Variants in PTPRK observed in about 807,000 individuals in gnomAD.
PTPRK encodes the protein receptor-type tyrosine-protein phosphatase kappa.
A neutral mutation model predicts 178.0 loss-of-function variants in PTPRK; 75 were observed. The ratio of observed to expected loss-of-function variants is 0.42; its 90% confidence interval spans 0.35 to 0.51. The LOEUF (loss-of-function observed/expected upper bound fraction) is 0.51. Ranked by LOEUF, PTPRK falls within the 20% of genes least tolerant of loss-of-function variation. PTPRK has a pLI of 0.02. For synonymous variants in PTPRK, 637 were observed against 620.6 expected, an observed-to-expected ratio of 1.03 and a Z score of -0.39; for missense variants, 1,441 against 1,797.8, an observed-to-expected ratio of 0.80 and a Z score of 3.59.
At chr6:128,234,513 T>A (rs956708358) in intron 5 of PTPRK, among the ~76,000 whole-genome samples, 2 of 152,238 alleles carry the variant, frequency 1.3e-5, no homozygotes, top group African/African-American at 2.4e-5. Flanking sequence ...ACAAGTGTTC[T>A]GATTTCTATC....
intron 2 of PTPRK, 65 bp downstream of exon 2, chr6:128,397,501 A>G: frequency 2.5e-6 from 4 of 1,568,714 alleles, no homozygotes; most frequent in South Asian, 1.1e-5. Flanking sequence ...TTACACTTTA[A>G]ATAAGAAAAT....
intron 6 of PTPRK, among the ~76,000 whole-genome samples, chr6:128,192,759 G>A (rs1423604801): frequency 6.7e-6 from 1 of 149,640 alleles, no homozygotes; most frequent in East Asian, 2.0e-4. Flanking sequence ...TGAAGCTGTA[G>A]TGAACCAGGA....
chr6:128,417,998 T>G (rs1227003091), intron 1 of PTPRK, among the ~76,000 whole-genome samples: 1 of 152,238 alleles, frequency 6.6e-6, no homozygotes, highest in Non-Finnish European at 1.5e-5. Flanking sequence ...TAGGTGCAAG[T>G]GAATTTATTT....
chr6:128,282,097 T>C (rs1179919086), intron 3 of PTPRK, among the ~76,000 whole-genome samples: 1 of 152,178 alleles, frequency 6.6e-6, no homozygotes, highest in Admixed American at 6.6e-5. Context: ...ATCCATATGC[T>C]ACGGTGGGGG....
intron 7 of PTPRK, among the ~76,000 whole-genome samples, chr6:128,098,784 T>C (rs1354808803): frequency 6.6e-6 from 1 of 152,198 alleles, no homozygotes. Flanking sequence ...TGAACTTAAA[T>C]AGCATCCTGT....
intron 13 of PTPRK, among the ~76,000 whole-genome samples, chr6:128,030,673 T>C (rs1775166547): frequency 6.6e-6 from 1 of 152,232 alleles, no homozygotes; most frequent in African/African-American, 2.4e-5. Context: ...AACTCCTACC[T>C]GGCTGATCAG....
chr6:128,484,836 A>G (rs1413589610), intron 1 of PTPRK, among the ~76,000 whole-genome samples: 2 of 152,204 alleles, frequency 1.3e-5, no homozygotes, highest in African/African-American at 4.8e-5. Flanking sequence ...TCACATTTTT[A>G]AACTCAATAG....
intron 1 of PTPRK, among the ~76,000 whole-genome samples, chr6:128,442,757 A>G (rs1846443359): frequency 6.6e-6 from 1 of 152,228 alleles, no homozygotes; most frequent in South Asian, 2.1e-4. Flanking sequence ...CCTGAGCAGA[A>G]CAACTGAGGA....
Position 128,187,232 on chromosome 6 carries a change from A to G in PTPRK, c.869-2507T>C, listed in dbSNP as rs150781107. Among the ~76,000 whole-genome samples the G allele has an allele frequency of 3.3e-5, 5 of 152,278 alleles. No individual in the cohort carries two copies. The East Asian group carries it at 9.6e-4, about 29-fold the overall frequency. On this transcript the variant is annotated intron_variant, in intron 6 of 29. Coordinates refer to ENST00000368226, the MANE Select transcript of PTPRK (RefSeq NM_002844.4). ...GAGCAAAAGATGAGAGAGGAAGGAA[A>G]GAAAAAATAGCCATACCGCAACATA...
intron 5 of PTPRK, among the ~76,000 whole-genome samples, chr6:128,226,761 CATATATATATATATATATATAT>C (rs71028117): frequency 2.5e-4 from 27 of 109,546 alleles, no homozygotes; most frequent in South Asian, 2.3e-3. Flanking sequence ...ATTATATAGA[CATATATATATATATATATATAT>C]ATATATATAT....
At chr6:128,324,385 A>G (rs560429998) in intron 2 of PTPRK, among the ~76,000 whole-genome samples, 28 of 152,242 alleles carry the variant, frequency 1.8e-4, no homozygotes, top group African/African-American at 6.7e-4. Flanking sequence ...ATATAGCATA[A>G]TATTTACTAT....
At chr6:128,007,773 T>C (rs1778603242) in intron 14 of PTPRK, among the ~76,000 whole-genome samples, 1 of 150,984 alleles carries the variant, frequency 6.6e-6, no homozygotes, top group African/African-American at 2.4e-5. Flanking sequence ...GACCAGAACA[T>C]TGTGAAGCAA....
chr6:128,193,280 G>GGA (rs1554338457), intron 6 of PTPRK, among the ~76,000 whole-genome samples: 27 of 57,766 alleles, frequency 4.7e-4, no homozygotes, highest in African/African-American at 6.7e-4. Context: ...TCCAGCTTGT[G>GGA]AAAAAAAAAA....
intron 1 of PTPRK, among the ~76,000 whole-genome samples, chr6:128,424,876 AACCATGTATC>A (rs1843920872): frequency 6.6e-6 from 1 of 152,238 alleles, no homozygotes; most frequent in African/African-American, 2.4e-5. Context: ...AGAATCTAAA[AACCATGTATC>A]AGCCACATAC....
Position 127,970,169 on chromosome 6 carries a change from G to A in PTPRK, c.*58C>T. 2 of 1,394,398 alleles carry A rather than the reference G, an allele frequency of 1.4e-6. No homozygotes were observed. The highest frequency in any genetic ancestry group is 1.8e-5 in the Admixed American group (1 of 54,828). 86.4% of individuals were successfully genotyped at this position (1,394,398 alleles called of 1,614,324 possible). On this transcript the variant is annotated 3_prime_UTR_variant, in exon 30 of 30. Transcript: ENST00000368226. ...CACAAGTGTAACAGGTACAACAGCT[G>A]CTGGCTCAATAGATGGACAGGTTTC...
chr6:128,359,941 T>TC (rs1197145919), intron 2 of PTPRK, among the ~76,000 whole-genome samples: 1 of 152,170 alleles, frequency 6.6e-6, no homozygotes, highest in Non-Finnish European at 1.5e-5. Flanking sequence ...CTGGTCTTTT[T>TC]CACAAGCATT....
intron 2 of PTPRK, among the ~76,000 whole-genome samples, chr6:128,364,891 G>T (rs1835273838): frequency 6.6e-6 from 1 of 151,926 alleles, no homozygotes; most frequent in Non-Finnish European, 1.5e-5. Context: ...CTGTCATCTT[G>T]TCTATCTAAA....
intron 1 of PTPRK, among the ~76,000 whole-genome samples, chr6:128,504,461 A>G (rs1856033729): frequency 6.6e-6 from 1 of 152,242 alleles, no homozygotes; most frequent in African/African-American, 2.4e-5. Flanking sequence ...TCAAGTGGAT[A>G]CTTCAGTGAA....
intron 1 of PTPRK, among the ~76,000 whole-genome samples, chr6:128,446,581 A>T (rs1183237092): frequency 1.3e-5 from 2 of 152,252 alleles, no homozygotes; most frequent in African/African-American, 2.4e-5. Context: ...AAACGAGCAG[A>T]TCTGAATAGC....
Sources: gnomAD v4.1 joint callset for allele counts (sites outside exome capture counted in the v4.1 genomes callset) on GRCh38, gnomAD v4.1.1 for gene constraint, MANE v1.5 for transcripts, NCBI Gene and HGNC (gene_info 2026-07-23, HGNC 2026-07-21) for gene names.